The following ATP6V0A4 variants were observed in gnomAD, a reference collection of about 807,000 sequenced individuals.
The protein encoded by ATP6V0A4 is V-type proton ATPase 116 kDa subunit a 4.
In ATP6V0A4, 86 loss-of-function variants were observed where a neutral mutation model predicts 107.3. The ratio of observed to expected loss-of-function variants is 0.80; its 90% CI spans 0.67 to 0.96. ATP6V0A4 has a LOEUF of 0.96. ATP6V0A4 is among the 40% of genes least tolerant of loss of function. The pLI is 0.00. For missense variants in ATP6V0A4, 908 were observed against 1,045.6 expected, an observed-to-expected ratio of 0.87 and a Z score of 1.81; for synonymous variants, 353 against 381.4, an observed-to-expected ratio of 0.93 and a Z score of 0.87.
intron 15 of ATP6V0A4, among the ~76,000 whole-genome samples, chr7:138,736,055 TG>T (rs1805304399): frequency 6.7e-6 from 1 of 150,136 alleles, no homozygotes; most frequent in African/African-American, 2.5e-5. Flanking sequence ...GCAACAAAAG[TG>T]AAACTCCATC....
chr7:138,776,225 G>A (rs907779563), intron 2 of ATP6V0A4, among the ~76,000 whole-genome samples: 1 of 152,238 alleles, frequency 6.6e-6, no homozygotes, highest in African/African-American at 2.4e-5. Context: ...GAAGCAGCAG[G>A]GAGGAGCTGT....
intron 18 of ATP6V0A4, among the ~76,000 whole-genome samples, chr7:138,727,198 G>A (rs1666561631): frequency 1.3e-5 from 2 of 151,474 alleles, no homozygotes; most frequent in East Asian, 3.9e-4. Flanking sequence ...AGGATGGCTT[G>A]AGCCCGGGAG....
chr7:138,721,566 G>A (rs555639768), intron 19 of ATP6V0A4, among the ~76,000 whole-genome samples: 8 of 152,236 alleles, frequency 5.3e-5, no homozygotes, highest in African/African-American at 9.6e-5. Context: ...TTATAGGGGC[G>A]TGGTGCTGAG....
At chr7:138,788,765 C>G (rs1808273502) in intron 1 of ATP6V0A4, among the ~76,000 whole-genome samples, 2 of 152,168 alleles carry the variant, frequency 1.3e-5, no homozygotes, top group African/African-American at 4.8e-5. Context: ...GGAAATGAGT[C>G]TCACAAGATC....
rs1157752283 is a variant in ATP6V0A4, at chr7:138,781,164, T to C, written c.-18+4994A>G. The stretch of plus-strand genomic sequence containing the variant: ...ATGACACAAGGCTAGAGAGTTGATA[T>C]TCCCCTGAGGTAGGACCGTGAAGGT... On this transcript the variant is annotated intron_variant, in intron 2 of 21. Coordinates refer to ENST00000310018, the MANE Select transcript of ATP6V0A4 (RefSeq NM_020632.3). 2.6e-5 allele frequency among the ~76,000 whole-genome samples: 4 copies of C among 152,344 alleles called. No homozygotes were observed. The South Asian group carries it at 6.2e-4, about 24-fold the overall frequency.
chr7:138,747,749 G>C, intron 12 of ATP6V0A4, 185 bp from the exon 13 acceptor site: 1 of 1,005,132 alleles, frequency 9.9e-7, no homozygotes, highest in Non-Finnish European at 1.4e-6. Context: ...CTGTTCCTAG[G>C]CATTCTGTTT....
intron 10 of ATP6V0A4, 65 bp downstream of exon 10, chr7:138,755,624 T>C (rs748327971): frequency 6.2e-7 from 1 of 1,605,228 alleles, no homozygotes; most frequent in Non-Finnish European, 8.5e-7. Context: ...AGGGCTTGTA[T>C]GAAAACAGCA....
At chr7:138,722,550 A>G (rs1804473770) in intron 18 of ATP6V0A4, among the ~76,000 whole-genome samples, 1 of 150,642 alleles carries the variant, frequency 6.6e-6, no homozygotes, top group South Asian at 2.1e-4. Context: ...TGGGGTCAGG[A>G]GTTCGAGACC....
intron 5 of ATP6V0A4, among the ~76,000 whole-genome samples, chr7:138,766,326 T>C: frequency 6.6e-6 from 1 of 151,864 alleles, no homozygotes; most frequent in East Asian, 1.9e-4. Flanking sequence ...CCTCAGCTTC[T>C]AGAGTAGCTG....
intron 2 of ATP6V0A4, among the ~76,000 whole-genome samples, chr7:138,784,229 T>TAC (rs1371622161): frequency 3.3e-4 from 15 of 45,438 alleles, no homozygotes; most frequent in African/African-American, 2.2e-3. Context: ...TATATATATA[T>TAC]ATATACGTAT....
chr7:138,730,155 G>T (rs890716307), intron 17 of ATP6V0A4, among the ~76,000 whole-genome samples: 2 of 152,164 alleles, frequency 1.3e-5, no homozygotes, highest in Non-Finnish European at 2.9e-5. Flanking sequence ...AAGTGCTGGG[G>T]TTACAGGCAT....
intron 17 of ATP6V0A4, among the ~76,000 whole-genome samples, chr7:138,729,986 C>A (rs898050880): frequency 5.3e-5 from 8 of 152,172 alleles, no homozygotes; most frequent in African/African-American, 1.9e-4. Flanking sequence ...TGGGTTCAAG[C>A]GAGTTGCTTG....
At chr7:138,781,829 CTG>C in intron 2 of ATP6V0A4, among the ~76,000 whole-genome samples, 1 of 82,780 alleles carries the variant, frequency 1.2e-5, no homozygotes, top group Non-Finnish European at 2.3e-5. Context: ...AAATTTTTCT[CTG>C]TCTCTCTCTC....
chr7:138,720,998 T>G (rs1350201737), intron 19 of ATP6V0A4, among the ~76,000 whole-genome samples: 1 of 152,200 alleles, frequency 6.6e-6, no homozygotes, highest in African/African-American at 2.4e-5. Flanking sequence ...TTATAGCATC[T>G]GTGGCCCTCA....
At chr7:138,764,242 A>AG (rs1010828930) in intron 5 of ATP6V0A4, among the ~76,000 whole-genome samples, 1 of 151,740 alleles carries the variant, frequency 6.6e-6, no homozygotes, top group Non-Finnish European at 1.5e-5. Context: ...GAGATGGAGG[A>AG]GGGGTGAGGA....
At chr7:138,746,796 G>A (rs941204555) in intron 13 of ATP6V0A4, among the ~76,000 whole-genome samples, 3 of 152,084 alleles carry the variant, frequency 2.0e-5, no homozygotes, top group East Asian at 1.9e-4. Context: ...GAGCCACTGT[G>A]CCTGGCCAGC....
chr7:138,777,934 G>C (rs1807743619), intron 2 of ATP6V0A4, among the ~76,000 whole-genome samples: 1 of 152,132 alleles, frequency 6.6e-6, no homozygotes, highest in Admixed American at 6.6e-5. Flanking sequence ...CAAACTCCGA[G>C]CACCAACATG....
chr7:138,710,017 ATTATTATTATT>A (rs1254789787), intron 20 of ATP6V0A4, among the ~76,000 whole-genome samples: 1 of 151,090 alleles, frequency 6.6e-6, no homozygotes, highest in Non-Finnish European at 1.5e-5. Flanking sequence ...TCCAGCCCAG[ATTATTATTATT>A]TTATTATTAT....
intron 9 of ATP6V0A4, 81 bp downstream of exon 9, chr7:138,756,377 T>G: frequency 6.2e-7 from 1 of 1,605,578 alleles, no homozygotes; most frequent in South Asian, 1.1e-5. Context: ...GAAGCCACAG[T>G]CATGTGCATT....
Sources: allele counts gnomAD v4.1 joint callset (sites outside exome capture counted in the v4.1 genomes callset), GRCh38; gene constraint gnomAD v4.1.1; transcripts MANE v1.5; gene names NCBI Gene and HGNC (gene_info 2026-07-23, HGNC 2026-07-21).